DNHD1: variants seen among roughly 807,000 people sequenced by gnomAD.
DNHD1 encodes dynein heavy chain domain 1.
In DNHD1, 383 loss-of-function variants were observed where a neutral mutation model predicts 458.1. The observed-to-expected ratio is 0.84, with a 90% confidence interval of 0.77 to 0.91. DNHD1 has a LOEUF of 0.91. DNHD1 is among the 40% of genes least tolerant of loss of function. The pLI is 0.00. For synonymous variants in DNHD1, 2,203 were observed against 2,376.9 expected (o/e 0.93, Z 2.13); for missense variants, 5,336 against 5,866.1 (o/e 0.91, Z 2.95).
intron 4 of DNHD1, chr11:6,508,078 A>G (rs1461016007): frequency 6.6e-6 from 1 of 152,258 alleles, no homozygotes; most frequent in Non-Finnish European, 1.5e-5. Flanking sequence ...ATGCTTAAAA[A>G]TATTGCTAGC....
Position 6,563,737 on chromosome 11 carries a change from G to A in DNHD1, c.9897G>A (p.Leu3299=), listed in dbSNP as rs539959508. The change falls in exon 31 of 43, where the codon CTG becomes CTA. Residue 3299 remains leucine, a synonymous_variant. Coordinates refer to ENST00000254579, the MANE Select transcript of DNHD1 (RefSeq NM_144666.3). ...FPKEKITDSE[L]IKLHLILKAP... ...AGGAGAAGATAACAGACTCAGAGCT[G>A]ATAAAGTTACATCTAATTCTGAAGG... 9.5e-5 allele frequency: 147 copies of A among 1,549,880 alleles called. 1 individual carries two copies. In the South Asian group the frequency reaches 1.6e-3, roughly 16 times the overall value.
At chr11:6,543,269 T>C (rs1853136450) in intron 18 of DNHD1, among the ~76,000 whole-genome samples, 1 of 152,206 alleles carries the variant, frequency 6.6e-6, no homozygotes, top group Non-Finnish European at 1.5e-5. Context: ...CCCCAATTAG[T>C]GTCCCTACCT....
At chr11:6,500,608 T>C (rs7115009) in intron 3 of DNHD1, among the ~76,000 whole-genome samples, 10,555 of 152,302 alleles carry the variant, frequency 0.069, 834 homozygotes, top group African/African-American at 0.19. Context: ...TGAATTGGCA[T>C]GGGCTGAGAT....
At chr11:6,539,813 C>T (rs764909463) in intron 17 of DNHD1, 63 bp from the exon 18 acceptor site, 207 of 1,472,792 alleles carry the variant, frequency 1.4e-4, no homozygotes, top group Non-Finnish European at 1.9e-4. Flanking sequence ...CCCCAAGTCT[C>T]GGCTCCAAGC....
In DNHD1 at chr11:6,566,309, C is replaced by T. The variant is rs768615104; in HGVS notation, c.11122C>T (p.Arg3708Trp). ...GCEELQWLLQ[R>W]EQLSPPQVQP... is the part of the protein sequence containing the mutation. The stretch of plus-strand genomic sequence containing the variant: ...CGAAGAACTGCAATGGCTGCTGCAA[C>T]GGGAGCAGCTGAGTCCACCCCAGGT... The change falls in exon 34 of 43, where the codon CGG (arginine) becomes TGG (tryptophan). Residue 3708 changes from arginine to tryptophan, a missense_variant. Arg to Trp is a moderately radical substitution (Grantham distance 101). Around this residue, in one of 4 missense-constraint regions of DNHD1, gnomAD observed 695 missense variants for 804.2 expected, o/e 0.86. Transcript: ENST00000254579. The T allele has an allele frequency of 2.4e-5, 38 of 1,551,962 alleles. 2 individuals are homozygous for T. In the East Asian group the frequency reaches 4.2e-4, roughly 17 times the overall value.
chr11:6,533,617 G>C, intron 13 of DNHD1, 64 bp from the exon 14 acceptor site: 1 of 1,483,298 alleles, frequency 6.7e-7, no homozygotes, highest in Non-Finnish European at 9.0e-7. Flanking sequence ...GTTCCCCTTG[G>C]GGATGGGACC....
chr11:6,509,695 C>T (rs1852299025), intron 6 of DNHD1, among the ~76,000 whole-genome samples: 1 of 152,146 alleles, frequency 6.6e-6, no homozygotes, highest in Admixed American at 6.5e-5. Flanking sequence ...CAAGATATTA[C>T]TTGGATTCTA....
In DNHD1 at chr11:6,519,989, T is replaced by A; in HGVS notation, c.1672T>A (p.Ser558Thr). Residue 558 changes from serine to threonine, a missense_variant, in exon 9 of 43, where the codon TCA becomes ACA. Ser to Thr is a moderately conservative substitution (Grantham distance 58). Coordinates refer to ENST00000254579, the MANE Select transcript of DNHD1 (RefSeq NM_144666.3). The part of the protein sequence containing the change: ...LQAPRQKPFL[S>T]SQLVFDDHGQ... ...GGCCCCAAGGCAGAAACCCTTTCTCTCATCACAGCTGGTCTTTGATGATCA... is the reference window on the plus strand; with the variant it reads ...GGCCCCAAGGCAGAAACCCTTTCTCACATCACAGCTGGTCTTTGATGATCA... 1 of 1,614,156 alleles carries A rather than the reference T, an allele frequency of 6.2e-7. No homozygotes were observed. The highest frequency in any genetic ancestry group is 1.1e-5 in the South Asian group (1 of 91,082).
chr11:6,534,009 T>A lies in DNHD1; in HGVS notation c.2834T>A (p.Leu945Ter), dbSNP rs1000770708. Residue 945 changes from leucine (L) to a stop codon, truncating the protein, a stop_gained, in exon 14 of 43, where the codon TTG becomes TAG. Coordinates refer to ENST00000254579, the MANE Select transcript of DNHD1 (RefSeq NM_144666.3). LOFTEE classifies it high-confidence loss of function. ...CTGCAGCAGCTGATGGCAGCAGCAT[T>A]GGCAGAGCTGGAAGGCCTGCTTGCG... ...PKLQQLMAAA[L>*]AELEGLLAKA... The A allele has an allele frequency of 6.4e-7, 1 of 1,551,460 alleles. No homozygotes were observed. The highest frequency in any genetic ancestry group is 1.4e-5 in the African/African-American group (1 of 73,010).
chr11:6,563,368 C>T lies in DNHD1; in HGVS notation c.9670-14C>T. ...CTCAGGAGCTCACTTCAGAGGGTAT[C>T]TCTCCTCATTTAGATGAGCAAGGCA... On this transcript the variant is annotated splice_polypyrimidine_tract_variant and intron_variant, in intron 29 of 42. Coordinates refer to ENST00000254579, the MANE Select transcript of DNHD1 (RefSeq NM_144666.3). The T allele has an allele frequency of 6.4e-7, 1 of 1,551,322 alleles. No individual in the cohort carries two copies. Among genetic ancestry groups the T allele is most frequent in the Non-Finnish European group, 8.7e-7 (1 of 1,146,662 alleles).
chr11:6,565,701 G>C lies in DNHD1; in HGVS notation c.10763G>C (p.Gly3588Ala). 1 of 1,545,630 alleles carries C rather than the reference G, an allele frequency of 6.5e-7. No individual in the cohort carries two copies. Among genetic ancestry groups the C allele is most frequent in the Non-Finnish European group, 8.7e-7 (1 of 1,144,820 alleles). Residue 3588 changes from glycine to alanine, a missense_variant, in exon 33 of 43, where the codon GGC (glycine) becomes GCC (alanine). Physicochemically the swap from Gly to Ala is moderately conservative, Grantham distance 60. This residue lies in a region of DNHD1 where 695 missense variants were observed against 804.2 expected (regional missense o/e 0.86). Transcript: ENST00000254579. Reference protein sequence around the residue: ...APALTEGRGKGLMRNQKRESK... With the variant: ...APALTEGRGKALMRNQKRESK... Reference sequence around the variant, plus strand: ...CTGAATCTTTCTGCCCCAGGGAAAGGCCTCATGAGAAATCAAAAGAGAGAG... The same window carrying C: ...CTGAATCTTTCTGCCCCAGGGAAAGCCCTCATGAGAAATCAAAAGAGAGAG...
At chr11:6,527,322 C>T (rs933411462) in intron 10 of DNHD1, among the ~76,000 whole-genome samples, 1 of 152,058 alleles carries the variant, frequency 6.6e-6, no homozygotes, top group African/African-American at 2.4e-5. Context: ...GTGACTTGGG[C>T]TGGGGGAGGA....
chr11:6,534,685 G>A (rs1852906622), intron 14 of DNHD1, among the ~76,000 whole-genome samples: 1 of 152,184 alleles, frequency 6.6e-6, no homozygotes, highest in Non-Finnish European at 1.5e-5. Context: ...TCATACAGTG[G>A]TGCAGGTAAG....
chr11:6,571,031 T>C lies in DNHD1; in HGVS notation c.13519T>C (p.Leu4507=). ...GCTACAACGCGACCTTGATTGCCTG[T>C]TGCAGCAGCTGAAGGGCGCACCCCC... ...GTLQRDLDCL[L]QQLKGAPPCP... The change falls in exon 42 of 43, where the codon TTG becomes CTG. Residue 4507 remains leucine (L), a synonymous_variant. Coordinates refer to ENST00000254579, the MANE Select transcript of DNHD1 (RefSeq NM_144666.3). The surrounding 1 kb of genome is among the most constrained non-coding windows in gnomAD (Gnocchi z 5.0). 6.3e-7 allele frequency: 1 copy of C among 1,586,042 alleles called. No individual in the cohort carries two copies. Among genetic ancestry groups the C allele is most frequent in the South Asian group, 1.1e-5 (1 of 87,574 alleles).
chr11:6,545,376 G>C lies in DNHD1; in HGVS notation c.4437G>C (p.Glu1479Asp). ...TTGCTCGAGGCCCATCTCTAGGTGA[G>C]GCCCTCAAGCAACTGCCCAAGCAAA... ...ARLARGPSLG[E>D]ALKQLPKQNK... The change falls in exon 21 of 43, where the codon GAG becomes GAC. Residue 1479 changes from glutamate (E) to aspartate (D), a missense_variant. Glu to Asp is a conservative substitution (Grantham distance 45, BLOSUM62 2). Around this residue, in one of 4 missense-constraint regions of DNHD1, gnomAD observed 3,932 missense variants for 4,365.6 expected, o/e 0.90. Transcript: ENST00000254579. This position sits in a 1 kb window ranked among gnomAD's most constrained non-coding sequence, Gnocchi z 4.9. 2 of 1,551,784 alleles carry C rather than the reference G, an allele frequency of 1.3e-6. No homozygotes were observed. Among genetic ancestry groups the C allele is most frequent in the Non-Finnish European group, 1.7e-6 (2 of 1,147,016 alleles).
rs187615581 is a variant in DNHD1 at position 6,539,925 on chromosome 11, G to C, written c.3470G>C (p.Arg1157Pro). The C allele has an allele frequency of 3.2e-6, 5 of 1,551,610 alleles. No homozygotes were observed. In the Admixed American group the frequency reaches 7.8e-5, roughly 24 times the overall value. ...ATTCATGCCCAAGAGACTATACGGC[G>C]GTTGCAGCGGTACTGGGAAGCGCGC... ...ERIHAQETIR[R>P]LQRYWEARQL... Residue 1157 changes from arginine (R) to proline (P), a missense_variant, in exon 18 of 43, where the codon CGG becomes CCG. Physicochemically the swap from Arg to Pro is moderately radical, Grantham distance 103. Coordinates refer to ENST00000254579, the MANE Select transcript of DNHD1 (RefSeq NM_144666.3).
At chr11:6,502,695 C>T in intron 3 of DNHD1, 58 bp from the exon 4 acceptor site, 1 of 1,491,300 alleles carries the variant, frequency 6.7e-7, no homozygotes, top group Non-Finnish European at 9.0e-7. Context: ...CAAGGCCTCC[C>T]TCTAAGGTAC....
Position 6,557,254 on chromosome 11 carries a change from A to G in DNHD1, c.7959A>G (p.Arg2653=). The change falls in exon 25 of 43, where the codon AGA becomes AGG. Residue 2653 remains arginine, a synonymous_variant. Transcript: ENST00000254579. ...VVRLWLHEAQ[R]TFCDRLDSPR... is the part of the protein sequence containing the mutation. ...GTCTTTGGTTGCATGAGGCACAGAG[A>G]ACCTTTTGCGACCGGCTGGACAGCC... is the stretch of plus-strand genomic sequence containing the variant. 6.4e-7 allele frequency: 1 copy of G among 1,551,582 alleles called. No individual in the cohort carries two copies. The highest frequency in any genetic ancestry group is 8.7e-7 in the Non-Finnish European group (1 of 1,146,976).
rs752893246 is a variant in DNHD1, at chr11:6,498,909, A to T, written c.694A>T (p.Ser232Cys). Reference sequence around the variant, plus strand: ...AGCGGACATCCCTGTACGGTATGAAAGCAGTGACACTGACAATGCAGAGGT... The same window carrying T: ...AGCGGACATCCCTGTACGGTATGAATGCAGTGACACTGACAATGCAGAGGT... ...LAADIPVRYE[S>C]SDTDNAEVEP... The change falls in exon 3 of 43, where the codon AGC becomes TGC. Residue 232 changes from serine (S) to cysteine (C), a missense_variant. Ser to Cys is a moderately radical substitution (Grantham distance 112). Transcript: ENST00000254579. The T allele has an allele frequency of 6.2e-7, 1 of 1,613,646 alleles. No homozygotes were observed. The highest frequency in any genetic ancestry group is 1.1e-5 in the South Asian group (1 of 90,962).
Sources: gnomAD v4.1 joint callset for allele counts (sites outside exome capture counted in the v4.1 genomes callset) on GRCh38, gnomAD v4.1.1 for gene constraint, gnomAD v4.1.1 regional missense constraint, Gnocchi (gnomAD v3.1) non-coding constraint, MANE v1.5 for transcripts, NCBI Gene and HGNC (gene_info 2026-07-23, HGNC 2026-07-21) for gene names.